The following UHRF1 variants were observed in gnomAD, a reference collection of about 807,000 sequenced individuals.
UHRF1 encodes the protein ubiquitin like with PHD and ring finger domains 1.
Under a neutral mutation model 96.5 loss-of-function variants are expected in UHRF1, and 9 were observed. The observed-to-expected ratio is 0.09, with a 90% CI of 0.06 to 0.16. UHRF1 has a LOEUF of 0.16. UHRF1 is among the 10% of genes least tolerant of loss of function. The pLI, the probability that UHRF1 is intolerant of heterozygous loss-of-function variation, is 1.00. For synonymous variants in UHRF1, 455 were observed against 469.9 expected, an observed-to-expected ratio of 0.97 and a Z score of 0.41; for missense variants, 626 against 1,131.1, an observed-to-expected ratio of 0.55 and a Z score of 6.40.
At chr19:4,938,239 C>A (rs1276685927) in intron 5 of UHRF1, among the ~76,000 whole-genome samples, 1 of 151,964 alleles carries the variant, frequency 6.6e-6, no homozygotes, top group East Asian at 1.9e-4. Flanking sequence ...AATTGAATTT[C>A]TTCTATGCTT....
intron 2 of UHRF1, among the ~76,000 whole-genome samples, chr19:4,924,053 A>ACCT (rs1298749126): frequency 6.6e-6 from 1 of 151,922 alleles, no homozygotes; most frequent in Non-Finnish European, 1.5e-5. Flanking sequence ...TGCAACCTCC[A>ACCT]CCTCCCAGGT....
Position 4,930,566 on chromosome 19 carries a change from A to AGCGG in UHRF1, c.409-149_409-146dup. The stretch of plus-strand genomic sequence containing the variant: ...CTGCCGGGGCTGGTTTCTCATGGTC[A>AGCGG]GCGGTTCCCAGCCAGGGAGGAGAAA... On this transcript the variant is annotated intron_variant, in intron 3 of 16. Coordinates refer to ENST00000650932, the MANE Select transcript of UHRF1 (RefSeq NM_001048201.3). The surrounding 1 kb of genome is among the most constrained non-coding windows in gnomAD (Gnocchi z 4.4). 1 of 988,558 alleles carries AGCGG rather than the reference A, an allele frequency of 1.0e-6. No homozygotes were observed. The highest frequency in any genetic ancestry group is 1.5e-6 in the Non-Finnish European group (1 of 671,896). 61.2% of individuals were successfully genotyped at this position (988,558 alleles called of 1,614,324 possible).
In UHRF1 at chr19:4,930,309, T is replaced by C. The variant is rs557851095; in HGVS notation, c.409-407T>C. Among the ~76,000 whole-genome samples, 4 of 152,312 alleles carry C rather than the reference T, an allele frequency of 2.6e-5. No homozygotes were observed. The highest frequency in any genetic ancestry group is 2.6e-4 in the Admixed American group (4 of 15,290). Reference sequence around the variant, plus strand: ...TTTTAGTAGACACAGCGTCTTACCATGTTGCCCAGGCTAGTCTTGAATTCC... The same window carrying C: ...TTTTAGTAGACACAGCGTCTTACCACGTTGCCCAGGCTAGTCTTGAATTCC... On this transcript the variant is annotated intron_variant, in intron 3 of 16. Transcript: ENST00000650932. The surrounding 1 kb of genome is among the most constrained non-coding windows in gnomAD (Gnocchi z 4.4).
intron 2 of UHRF1, among the ~76,000 whole-genome samples, chr19:4,920,029 C>A (rs993002951): frequency 6.6e-6 from 1 of 152,056 alleles, no homozygotes; most frequent in Non-Finnish European, 1.5e-5. Context: ...GTTGGTCAGG[C>A]TGGTCTCGAA....
upstream of UHRF1, chr19:4,909,365 G>C (rs761958308): frequency 4.9e-5 from 30 of 611,930 alleles, no homozygotes; most frequent in East Asian, 9.0e-4. Flanking sequence ...GCCGTGGACA[G>C]AGGCGGGGGC....
At chr19:4,942,056 G>A (rs1229927337) in intron 7 of UHRF1, 125 bp downstream of exon 7, 1 of 1,099,272 alleles carries the variant, frequency 9.1e-7, no homozygotes, top group East Asian at 3.0e-5. Context: ...AGTGCTTTGG[G>A]AGGCCGAGGC....
intron 5 of UHRF1, among the ~76,000 whole-genome samples, chr19:4,938,244 A>T (rs1001686012): frequency 6.6e-6 from 1 of 152,000 alleles, no homozygotes; most frequent in Non-Finnish European, 1.5e-5. Flanking sequence ...AATTTCTTCT[A>T]TGCTTATGTG....
At chr19:4,952,766 A>G (rs2033752868) in intron 13 of UHRF1, among the ~76,000 whole-genome samples, 1 of 151,736 alleles carries the variant, frequency 6.6e-6, no homozygotes, top group South Asian at 2.1e-4. Context: ...GAGACACTGG[A>G]GAGTCAGACG....
chr19:4,923,899 A>G (rs560152955), intron 2 of UHRF1, among the ~76,000 whole-genome samples: 74 of 152,270 alleles, frequency 4.9e-4, no homozygotes, highest in African/African-American at 1.8e-3. Context: ...TGAGTGCCCC[A>G]TCCATCCCTC....
chr19:4,941,095 T>G (rs1233638444), intron 5 of UHRF1, among the ~76,000 whole-genome samples: 8 of 140,550 alleles, frequency 5.7e-5, no homozygotes, highest in South Asian at 2.4e-4. Context: ...GTTTTTTTTT[T>G]TTTTTTTTTT....
At chr19:4,940,034 A>AC (rs1314542975) in intron 5 of UHRF1, among the ~76,000 whole-genome samples, 3 of 152,002 alleles carry the variant, frequency 2.0e-5, no homozygotes, top group African/African-American at 4.8e-5. Flanking sequence ...AAAAAAAAAA[A>AC]AAAACACATG....
At chr19:4,946,772 C>T (rs554455084) in intron 10 of UHRF1, among the ~76,000 whole-genome samples, 3 of 152,060 alleles carry the variant, frequency 2.0e-5, no homozygotes, top group South Asian at 2.1e-4. Flanking sequence ...GATGGGGTTT[C>T]GCCATGTTGC....
exon 1 of UHRF1, chr19:4,903,091 A>G: frequency 2.3e-6 from 1 of 436,518 alleles, no homozygotes; most frequent in Non-Finnish European, 4.2e-6. Context: ...CAGGGGTGCC[A>G]TCTTGGCTCA....
At chr19:4,932,364 G>A (rs534174421) in intron 4 of UHRF1, among the ~76,000 whole-genome samples, 39 of 152,322 alleles carry the variant, frequency 2.6e-4, no homozygotes, top group East Asian at 9.6e-4. Context: ...CACCTTGCCC[G>A]GCCTCTCCTC....
rs1264108566 is a variant in UHRF1, at chr19:4,954,004, G to C, written c.1819-346G>C. Among the ~76,000 whole-genome samples the C allele has an allele frequency of 6.6e-6, 1 of 152,122 alleles. No individual in the cohort carries two copies. The highest frequency in any genetic ancestry group is 1.5e-5 in the Non-Finnish European group (1 of 68,030). On this transcript the variant is annotated intron_variant, in intron 13 of 16. Transcript: ENST00000650932. This position sits in a 1 kb window ranked among gnomAD's most constrained non-coding sequence, Gnocchi z 5.9. ...AAGGTTCACATCCCTGTGGGACGAT[G>C]CAATGTTTCATCATGCAGTGTGCGT...
chr19:4,905,630 G>C (rs1261886111), upstream of UHRF1, among the ~76,000 whole-genome samples: 6 of 152,110 alleles, frequency 3.9e-5, no homozygotes, highest in Middle Eastern at 3.4e-3. Flanking sequence ...CAATTCTTCT[G>C]CCTCTGCCTC....
chr19:4,909,295 C>G (rs1297082939), upstream of UHRF1: 8 of 541,988 alleles, frequency 1.5e-5, no homozygotes, highest in Non-Finnish European at 1.9e-5. Context: ...CCTTTGCACG[C>G]TGGGCGCGCC....
At chr19:4,936,443 G>A (rs1010729502) in intron 5 of UHRF1, among the ~76,000 whole-genome samples, 2 of 152,124 alleles carry the variant, frequency 1.3e-5, no homozygotes, top group Non-Finnish European at 2.9e-5. Context: ...AGAGATGGCC[G>A]AGTGGACTCT....
At chr19:4,959,712 A>G (rs1470238190) in intron 16 of UHRF1, among the ~76,000 whole-genome samples, 1 of 151,308 alleles carries the variant, frequency 6.6e-6, no homozygotes, top group Non-Finnish European at 1.5e-5. Flanking sequence ...TTTATTTTTT[A>G]TTTTTTTCGA....
Sources: allele counts gnomAD v4.1 joint callset (sites outside exome capture counted in the v4.1 genomes callset), GRCh38; gene constraint gnomAD v4.1.1; non-coding constraint Gnocchi (gnomAD v3.1); transcripts MANE v1.5; gene names NCBI Gene and HGNC (gene_info 2026-07-23, HGNC 2026-07-21).